SULF2: variants seen among roughly 807,000 people sequenced by gnomAD.
SULF2 encodes the protein sulfatase 2, also known as extracellular sulfatase Sulf-2.
A neutral mutation model predicts 107.7 loss-of-function variants in SULF2; 52 were observed. The ratio of observed to expected loss-of-function variants is 0.48; its 90% CI spans 0.39 to 0.61. The LOEUF (loss-of-function observed/expected upper bound fraction) is 0.61. Ranked by LOEUF, SULF2 falls within the 20% of genes least tolerant of loss-of-function variation. SULF2 has a pLI of 0.00. For synonymous variants in SULF2, 460 were observed against 464.3 expected (o/e 0.99, Z 0.12); for missense variants, 993 against 1,177.3 (o/e 0.84, Z 2.29).
In SULF2 at chr20:47,746,145, C is replaced by T. The variant is rs1309694366; in HGVS notation, c.176-9203G>A. On this transcript the variant is annotated intron_variant, in intron 2 of 20. Transcript: ENST00000688720. ...CGACTTCCTCCTTGCCAGCACGTGC[C>T]TAGCCCTGTGGGCATGGAGTTTGCA... Among the ~76,000 whole-genome samples the T allele has an allele frequency of 2.0e-5, 3 of 152,232 alleles. No individual in the cohort carries two copies. The East Asian group carries it at 5.8e-4, about 29-fold the overall frequency.
Position 47,749,972 on chromosome 20 carries a change from A to C in SULF2, c.175+7217T>G, listed in dbSNP as rs534789343. On this transcript the variant is annotated intron_variant, in intron 2 of 20. Coordinates refer to ENST00000688720, the MANE Select transcript of SULF2 (RefSeq NM_001387048.1). ...CTGCAACTTCCCAGGTCCAGAACTG[A>C]GCTTTATTTATTGATTTATTGATGT... 3.3e-5 allele frequency among the ~76,000 whole-genome samples: 5 copies of C among 152,150 alleles called. No homozygotes were observed. In the East Asian group the frequency reaches 9.7e-4, roughly 29 times the overall value.
chr20:47,667,808 G>A (rs916895927), intron 11 of SULF2, among the ~76,000 whole-genome samples: 1 of 152,164 alleles, frequency 6.6e-6, no homozygotes, highest in Non-Finnish European at 1.5e-5. Flanking sequence ...AGGACCAGCT[G>A]GAGGCAGGTG....
rs2146557303 is a variant in SULF2, at chr20:47,694,267, C to G, written c.568-3972G>C. 6.6e-6 allele frequency among the ~76,000 whole-genome samples: 1 copy of G among 152,214 alleles called. No homozygotes were observed. The highest frequency in any genetic ancestry group is 1.5e-5 in the Non-Finnish European group (1 of 68,002). ...AGCATCCAGCGATGCTCAGGGGCAG[C>G]CAGGACAGCCACTGGGTGGATGTGG... On this transcript the variant is annotated intron_variant, in intron 4 of 20. Transcript: ENST00000688720. This position sits in a 1 kb window ranked among gnomAD's most constrained non-coding sequence, Gnocchi z 4.4.
chr20:47,697,632 C>T (rs2088426174), intron 4 of SULF2, among the ~76,000 whole-genome samples: 1 of 152,216 alleles, frequency 6.6e-6, no homozygotes, highest in African/African-American at 2.4e-5. Flanking sequence ...GCCCACGTCC[C>T]TGTTAGAGCA....
At chr20:47,662,366 G>A (rs2087105669) in intron 17 of SULF2, among the ~76,000 whole-genome samples, 1 of 152,140 alleles carries the variant, frequency 6.6e-6, no homozygotes, top group South Asian at 2.1e-4. Context: ...AAAGTATGAG[G>A]GTGAACCTAT....
At chr20:47,677,482 A>G (rs6094775) in intron 8 of SULF2, among the ~76,000 whole-genome samples, 133,135 of 151,906 alleles carry the variant, frequency 0.88, 58,728 homozygotes, top group African/African-American at 0.97. Context: ...CTCCCCCGGC[A>G]CTAGACGAGC....
chr20:47,757,935 G>C (rs1372318153), intron 1 of SULF2, among the ~76,000 whole-genome samples: 2 of 152,142 alleles, frequency 1.3e-5, no homozygotes. Context: ...TCAATCAGGG[G>C]TTTAAACGAG....
chr20:47,669,403 G>A (rs958719419), intron 11 of SULF2, among the ~76,000 whole-genome samples: 4 of 152,282 alleles, frequency 2.6e-5, no homozygotes, highest in East Asian at 1.9e-4. Flanking sequence ...CGTCCTGTGC[G>A]TTGCAAGATG....
At chr20:47,774,072 T>TA (rs1336009423) in intron 1 of SULF2, among the ~76,000 whole-genome samples, 1 of 152,208 alleles carries the variant, frequency 6.6e-6, no homozygotes, top group Non-Finnish European at 1.5e-5. Context: ...GCCCGACACT[T>TA]ACAATTATTT....
At chr20:47,736,518 T>C (rs981558330) in intron 3 of SULF2, among the ~76,000 whole-genome samples, 185 bp downstream of exon 3, 2 of 152,226 alleles carry the variant, frequency 1.3e-5, no homozygotes, top group Non-Finnish European at 2.9e-5. Flanking sequence ...ATCACTACTG[T>C]AGGCAAATAA....
At chr20:47,669,295 C>T (rs372828116) in intron 11 of SULF2, among the ~76,000 whole-genome samples, 4 of 152,174 alleles carry the variant, frequency 2.6e-5, no homozygotes, top group Admixed American at 6.5e-5. Context: ...AACCTCCCCA[C>T]GCCACAGCCA....
intron 16 of SULF2, 85 bp downstream of exon 16, chr20:47,663,368 C>T: frequency 2.5e-6 from 4 of 1,585,528 alleles, no homozygotes; most frequent in Non-Finnish European, 3.4e-6. Flanking sequence ...GACCCCCTTT[C>T]TGAGAGAGGT....
At chr20:47,669,505 G>T (rs368169531) in intron 11 of SULF2, among the ~76,000 whole-genome samples, 15 of 152,306 alleles carry the variant, frequency 9.8e-5, no homozygotes, top group African/African-American at 3.4e-4. Context: ...TCCAAACATT[G>T]CCAAGTGTCC....
chr20:47,689,955 G>A, intron 5 of SULF2, 171 bp downstream of exon 5: 1 of 632,998 alleles, frequency 1.6e-6, no homozygotes, highest in African/African-American at 1.9e-5. Flanking sequence ...GCTGTCTGGA[G>A]TTGCATCCCA....
intron 2 of SULF2, among the ~76,000 whole-genome samples, chr20:47,750,711 GCCTTGCACGGTCCATCCAACCACCA>G (rs1384514842): frequency 5.3e-5 from 8 of 152,226 alleles, no homozygotes; most frequent in Non-Finnish European, 1.0e-4. Flanking sequence ...AAAGGCTCAT[GCCTTGCACGGTCCATCCAACCACCA>G]CCTCCCTATT....
chr20:47,706,057 C>T (rs2088726957), intron 3 of SULF2, among the ~76,000 whole-genome samples: 1 of 152,094 alleles, frequency 6.6e-6, no homozygotes, highest in Admixed American at 6.6e-5. Flanking sequence ...CCTCGGCCTC[C>T]CAAAGTTCTG....
At chr20:47,711,134 G>A (rs1393073567) in intron 3 of SULF2, among the ~76,000 whole-genome samples, 2 of 152,170 alleles carry the variant, frequency 1.3e-5, no homozygotes, top group Admixed American at 6.5e-5. Flanking sequence ...TGGGAACCTC[G>A]GCCACCTCTC....
chr20:47,663,483 G>T lies in SULF2; in HGVS notation c.2197C>A (p.Gln733Lys). 6.2e-7 allele frequency: 1 copy of T among 1,610,940 alleles called. No homozygotes were observed. Among genetic ancestry groups the T allele is most frequent in the Non-Finnish European group, 8.5e-7 (1 of 1,180,008 alleles). The change falls in exon 16 of 21, where the codon CAG becomes AAG. Residue 733 changes from glutamine to lysine, a missense_variant. Coordinates refer to ENST00000688720, the MANE Select transcript of SULF2 (RefSeq NM_001387048.1). ...PGLTCFTHDN[Q>K]HWQTAPFWTL... ...CAGAAAGGCGCCGTCTGCCAGTGCTGGTTGTCGTGGGTGAAGCACGTGAGG... is the reference window on the plus strand; with the variant it reads ...CAGAAAGGCGCCGTCTGCCAGTGCTTGTTGTCGTGGGTGAAGCACGTGAGG...
intron 2 of SULF2, among the ~76,000 whole-genome samples, chr20:47,754,717 G>C (rs923360836): frequency 6.6e-6 from 1 of 152,172 alleles, no homozygotes; most frequent in South Asian, 2.1e-4. Context: ...AACAATATCC[G>C]TAACAGTGAA....
Sources: allele counts gnomAD v4.1 joint callset (sites outside exome capture counted in the v4.1 genomes callset), GRCh38; gene constraint gnomAD v4.1.1; non-coding constraint Gnocchi (gnomAD v3.1); transcripts MANE v1.5; gene names NCBI Gene and HGNC (gene_info 2026-07-23, HGNC 2026-07-21).